Variants in CDCA7L observed in about 807,000 individuals in gnomAD.
CDCA7L encodes cell division cycle associated 7 like, also known as cell division cycle-associated 7-like protein.
Under a neutral mutation model 57.4 loss-of-function variants are expected in CDCA7L, and 44 were observed. That is an observed-to-expected ratio of 0.77 (90% CI 0.60 to 0.98). CDCA7L has a LOEUF of 0.98. Ranked by LOEUF, CDCA7L falls within the 50% of genes least tolerant of loss-of-function variation. The pLI is 0.00. For synonymous variants in CDCA7L, 236 were observed against 202.8 expected (o/e 1.16, Z -1.39); for missense variants, 644 against 580.6 (o/e 1.11, Z -1.12).
intron 1 of CDCA7L, among the ~76,000 whole-genome samples, chr7:21,935,377 T>C (rs1287426916): frequency 6.6e-6 from 1 of 152,126 alleles, no homozygotes; most frequent in Non-Finnish European, 1.5e-5. Context: ...ATATATGGGA[T>C]GCAGCAAAAG....
At chr7:21,942,560 A>G (rs976620851) in intron 1 of CDCA7L, among the ~76,000 whole-genome samples, 1 of 152,238 alleles carries the variant, frequency 6.6e-6, no homozygotes, top group Non-Finnish European at 1.5e-5. Flanking sequence ...AAAACTCTCA[A>G]GAGCAGTTTA....
chr7:21,903,824 A>C (rs927548382), intron 8 of CDCA7L: 1 of 275,750 alleles, frequency 3.6e-6, no homozygotes, highest in Non-Finnish European at 6.8e-6. Flanking sequence ...ACTTTGCTGA[A>C]GGACAGGTAC....
chr7:21,931,862 G>A (rs1419469077), intron 1 of CDCA7L, among the ~76,000 whole-genome samples: 1 of 152,204 alleles, frequency 6.6e-6, no homozygotes, highest in Non-Finnish European at 1.5e-5. Flanking sequence ...AAGAGAGGAA[G>A]TCCAACTGTC....
At chr7:21,902,745 G>C in intron 9 of CDCA7L, 2 of 513,840 alleles carry the variant, frequency 3.9e-6, no homozygotes, top group Non-Finnish European at 6.9e-6. Context: ...AGAAATTTTG[G>C]TTAAAGGCAA....
At chr7:21,916,940 T>G (rs1785502352) in intron 1 of CDCA7L, 46 bp from the exon 2 acceptor site, 25 of 1,610,524 alleles carry the variant, frequency 1.6e-5, no homozygotes, top group Non-Finnish European at 2.1e-5. Context: ...GGGTTCTTGC[T>G]AATCACTTAG....
chr7:21,902,838 C>T (rs1424185854), intron 9 of CDCA7L, 140 bp downstream of exon 9: 3 of 718,618 alleles, frequency 4.2e-6, no homozygotes, highest in Non-Finnish European at 6.9e-6. Context: ...CCAATGCAAA[C>T]AGATACAGAA....
chr7:21,925,324 T>C (rs1785789512), intron 1 of CDCA7L, among the ~76,000 whole-genome samples: 1 of 152,160 alleles, frequency 6.6e-6, no homozygotes, highest in Admixed American at 6.6e-5. Context: ...ATTCTTTTCA[T>C]CTAGCAATTT....
chr7:21,935,711 A>G (rs745452678), intron 1 of CDCA7L, among the ~76,000 whole-genome samples: 2 of 152,230 alleles, frequency 1.3e-5, no homozygotes, highest in Non-Finnish European at 2.9e-5. Context: ...CCAATTTTAC[A>G]TAAATAAAAA....
chr7:21,940,602 C>T (rs373813799), intron 1 of CDCA7L, among the ~76,000 whole-genome samples: 12 of 152,296 alleles, frequency 7.9e-5, no homozygotes, highest in East Asian at 7.7e-4. Context: ...AGGGCGAGCA[C>T]CTGAGCCAGC....
chr7:21,925,624 T>G (rs1785800678), intron 1 of CDCA7L, among the ~76,000 whole-genome samples: 1 of 152,202 alleles, frequency 6.6e-6, no homozygotes, highest in African/African-American at 2.4e-5. Flanking sequence ...GTGTGGTGGC[T>G]CATGCCTGCA....
intron 1 of CDCA7L, among the ~76,000 whole-genome samples, chr7:21,932,956 GAA>G (rs59893919): frequency 0.17 from 23,656 of 142,168 alleles, 2,988 homozygotes; most frequent in African/African-American, 0.36. Context: ...AAATTTATAA[GAA>G]AAAAAAAAAG....
At position 21,901,283 on chromosome 7, in the gene CDCA7L, C is replaced by G. The variant is rs1583831085; in HGVS notation, c.*1039G>C. ...AACACTGGCATTCCTCTAGCCTCTG[C>G]TGGAGTGCAGTGAGGATTTTCTAGC... On this transcript the variant is annotated 3_prime_UTR_variant, in exon 10 of 10. Transcript: ENST00000406877. 1 of 1,581,154 alleles carries G rather than the reference C, an allele frequency of 6.3e-7. No individual in the cohort carries two copies. The highest frequency in any genetic ancestry group is 1.3e-5 in the African/African-American group (1 of 74,146).
chr7:21,901,279 T>C lies in CDCA7L; in HGVS notation c.*1043A>G, dbSNP rs1472124251. The C allele has an allele frequency of 3.2e-6, 5 of 1,582,442 alleles. No homozygotes were observed. The highest frequency in any genetic ancestry group is 4.3e-6 in the Non-Finnish European group (5 of 1,163,124). On this transcript the variant is annotated 3_prime_UTR_variant, in exon 10 of 10. Coordinates refer to ENST00000406877, the MANE Select transcript of CDCA7L (RefSeq NM_018719.5). Reference sequence around the variant, plus strand: ...AGGTAACACTGGCATTCCTCTAGCCTCTGCTGGAGTGCAGTGAGGATTTTC... The same window carrying C: ...AGGTAACACTGGCATTCCTCTAGCCCCTGCTGGAGTGCAGTGAGGATTTTC...
chr7:21,940,311 G>C (rs1225008583), intron 1 of CDCA7L: 5 of 984,948 alleles, frequency 5.1e-6, no homozygotes, highest in Admixed American at 6.1e-5. Flanking sequence ...TGCCTGCGAA[G>C]TGCTCTGAAA....
At chr7:21,902,942 T>TCAAGCTG (rs752478195) in intron 9 of CDCA7L, 36 bp downstream of exon 9, 2 of 1,600,722 alleles carry the variant, frequency 1.2e-6, no homozygotes, top group South Asian at 2.2e-5. Flanking sequence ...CCTCAAGATT[T>TCAAGCTG]CAAGCTGTTT....
rs770944130 is a variant in CDCA7L, at chr7:21,908,083, G to GCCAGAGCCTGGTGCCAACTC, written c.681+27_681+46dup. The GCCAGAGCCTGGTGCCAACTC allele has an allele frequency of 4.0e-6, 6 of 1,490,950 alleles. No individual in the cohort carries two copies. In the Admixed American group the frequency reaches 1.5e-4, roughly 38 times the overall value. 92.4% of individuals were successfully genotyped at this position (1,490,950 alleles called of 1,614,324 possible). ...TGGTTCTGGGAGCCCAGCAACTGCT[G>GCCAGAGCCTGGTGCCAACTC]CCAGAGCCTGGTGCCAACTCCCAGG... On this transcript the variant is annotated intron_variant, in intron 4 of 9. Coordinates refer to ENST00000406877, the MANE Select transcript of CDCA7L (RefSeq NM_018719.5).
At chr7:21,903,963 T>G (rs1562619529) in intron 8 of CDCA7L, 147 bp downstream of exon 8, 1 of 672,372 alleles carries the variant, frequency 1.5e-6, no homozygotes, top group East Asian at 3.1e-5. Context: ...CTATTTTTCA[T>G]TTTCCCTGGA....
intron 1 of CDCA7L, among the ~76,000 whole-genome samples, chr7:21,918,764 T>TA (rs1785566470): frequency 6.6e-6 from 1 of 152,210 alleles, no homozygotes; most frequent in Non-Finnish European, 1.5e-5. Flanking sequence ...TCTCTTTTTT[T>TA]AGTGATGTTG....
At chr7:21,905,148 G>A (rs959492511) in intron 7 of CDCA7L, among the ~76,000 whole-genome samples, 1 of 152,054 alleles carries the variant, frequency 6.6e-6, no homozygotes, top group Non-Finnish European at 1.5e-5. Flanking sequence ...AAGATATTCT[G>A]CCAAACTTTA....
Sources: gnomAD v4.1 joint callset for allele counts (sites outside exome capture counted in the v4.1 genomes callset) on GRCh38, gnomAD v4.1.1 for gene constraint, MANE v1.5 for transcripts, NCBI Gene and HGNC (gene_info 2026-07-23, HGNC 2026-07-21) for gene names.